NELFB: variants seen among roughly 807,000 people sequenced by gnomAD.
NELFB encodes negative elongation factor complex member B.
Under a neutral mutation model 60.2 loss-of-function variants are expected in NELFB, and 34 were observed. The observed-to-expected ratio is 0.56, with a 90% CI of 0.43 to 0.75. The LOEUF (loss-of-function observed/expected upper bound fraction) is 0.75, where lower values mean the gene tolerates loss of function less well. NELFB is among the 30% of genes least tolerant of loss of function. The pLI is 0.00. For missense variants in NELFB, 770 were observed against 831.6 expected, an observed-to-expected ratio of 0.93 and a Z score of 0.91; for synonymous variants, 459 against 382.1, an observed-to-expected ratio of 1.20 and a Z score of -2.35.
In NELFB at chr9:137,269,905, C is replaced by T. The variant is rs576585218; in HGVS notation, c.1490-2176C>T. On this transcript the variant is annotated intron_variant, in intron 10 of 12. Transcript: ENST00000343053. The surrounding 1 kb of genome is among the most constrained non-coding windows in gnomAD (Gnocchi z 5.3). ...TTCAGTCACATTTGGGGAGAGCACG[C>T]GTGTTCTTAAGTTTTTAGCGGGTTC... Among the ~76,000 whole-genome samples, 2 of 152,142 alleles carry T rather than the reference C, an allele frequency of 1.3e-5. No homozygotes were observed. Among genetic ancestry groups the T allele is most frequent in the Non-Finnish European group, 2.9e-5 (2 of 68,016 alleles).
chr9:137,263,110 C>T lies in NELFB; in HGVS notation c.815C>T (p.Thr272Met), dbSNP rs1282836306. ...GACATGGTGCTGCAGTTTCTGCGCA[C>T]GCTCTTCCTGCGCACGCGGAATGTG... Residue 272 changes from threonine to methionine, a missense_variant, in exon 5 of 13, where the codon ACG (threonine) becomes ATG (methionine). Coordinates refer to ENST00000343053, the MANE Select transcript of NELFB (RefSeq NM_015456.5). The T allele has an allele frequency of 5.6e-6, 9 of 1,614,084 alleles. No individual in the cohort carries two copies. The highest frequency in any genetic ancestry group is 2.2e-5 in the South Asian group (2 of 91,088).
chr9:137,271,419 C>T (rs776049935), intron 10 of NELFB, among the ~76,000 whole-genome samples: 1 of 152,280 alleles, frequency 6.6e-6, no homozygotes, highest in Non-Finnish European at 1.5e-5. Context: ...CTTCAGGCAT[C>T]AGTCTGCAGG....
chr9:137,266,092 T>C (rs1830514638), intron 7 of NELFB, 113 bp downstream of exon 7: 8 of 879,834 alleles, frequency 9.1e-6, no homozygotes, highest in Non-Finnish European at 1.4e-5. Context: ...GTTGGGGCCC[T>C]GTGGCCGCCC....
At position 137,255,520 on chromosome 9, in the gene NELFB, G is replaced by T. The variant is rs1234433034; in HGVS notation, c.155G>T (p.Gly52Val). 6.5e-6 allele frequency: 10 copies of T among 1,541,442 alleles called. No homozygotes were observed. Among genetic ancestry groups the T allele is most frequent in the Non-Finnish European group, 7.9e-6 (9 of 1,144,224 alleles). Residue 52 changes from glycine to valine, a missense_variant, in exon 1 of 13, where the codon GGG becomes GTG. Gly to Val is a moderately radical substitution (Grantham distance 109). Coordinates refer to ENST00000343053, the MANE Select transcript of NELFB (RefSeq NM_015456.5). ...GCCGGGGCCTCGGCCATGTTCGCGG[G>T]GCTGCAGGACCTGGGCGTGGCCAAC...
chr9:137,261,356 A>AG (rs1830441235), intron 4 of NELFB, among the ~76,000 whole-genome samples: 2 of 137,002 alleles, frequency 1.5e-5, no homozygotes, highest in African/African-American at 2.8e-5. Context: ...AAAAAAAAAA[A>AG]GTAAAAAAAA....
intron 11 of NELFB, 91 bp downstream of exon 11, chr9:137,272,313 C>A: frequency 1.3e-6 from 2 of 1,564,716 alleles, no homozygotes; most frequent in South Asian, 1.2e-5. Context: ...CAGCCTGGGG[C>A]GGAGGGTCCG....
At position 137,257,039 on chromosome 9, in the gene NELFB, C is replaced by T. The variant is rs374202580; in HGVS notation, c.726C>T (p.Thr242=). ...ACTTTTTCAGTCCTTCCCCCAAGAC[C>T]AGGCGCCAGGGCGAGGTGAGGGGAC... The change falls in exon 4 of 13, where the codon ACC becomes ACT. Residue 242 remains threonine (T), a synonymous_variant. Transcript: ENST00000343053. The T allele has an allele frequency of 3.0e-5, 49 of 1,611,640 alleles. No individual in the cohort carries two copies. Among genetic ancestry groups the T allele is most frequent in the Non-Finnish European group, 3.7e-5 (44 of 1,178,562 alleles).
At chr9:137,262,423 C>T (rs1438649692) in intron 4 of NELFB, among the ~76,000 whole-genome samples, 2 of 152,220 alleles carry the variant, frequency 1.3e-5, no homozygotes, top group Non-Finnish European at 2.9e-5. Context: ...AAGGCTCGCA[C>T]TCTTGTCTTC....
intron 7 of NELFB, 111 bp downstream of exon 7, chr9:137,266,090 C>A (rs1031008796): frequency 4.5e-6 from 4 of 879,874 alleles, no homozygotes; most frequent in Non-Finnish European, 5.4e-6. Context: ...CTGTTGGGGC[C>A]CTGTGGCCGC....
intron 4 of NELFB, among the ~76,000 whole-genome samples, chr9:137,259,038 A>T (rs545384323): frequency 7.0e-4 from 106 of 152,218 alleles, no homozygotes; most frequent in Non-Finnish European, 1.3e-3. Flanking sequence ...CAAGAAAAAA[A>T]AATTAAGCTA....
Position 137,255,548 on chromosome 9 carries a change from C to T in NELFB, c.183C>T (p.Gly61=), listed in dbSNP as rs1371360161. ...TGCAGGACCTGGGCGTGGCCAACGG[C>T]GAGGACCTGAAGGAGACCCTGACCA... Residue 61 remains glycine (G), a synonymous_variant, in exon 1 of 13, where the codon GGC becomes GGT. Coordinates refer to ENST00000343053, the MANE Select transcript of NELFB (RefSeq NM_015456.5). The T allele has an allele frequency of 1.9e-6, 3 of 1,548,022 alleles. No individual in the cohort carries two copies. Among genetic ancestry groups the T allele is most frequent in the Admixed American group, 3.9e-5 (2 of 50,972 alleles).
At chr9:137,271,893 C>T (rs980766433) in intron 10 of NELFB, among the ~76,000 whole-genome samples, 188 bp from the exon 11 acceptor site, 1 of 151,534 alleles carries the variant, frequency 6.6e-6, no homozygotes, top group Non-Finnish European at 1.5e-5. Flanking sequence ...GGTCCCACCC[C>T]CTGCCTGCCT....
chr9:137,263,359 C>T (rs1377063001), intron 5 of NELFB, 137 bp downstream of exon 5: 16 of 682,078 alleles, frequency 2.3e-5, no homozygotes, highest in Non-Finnish European at 3.6e-5. Context: ...CCCTCCCTCC[C>T]TCCTTCTCCC....
intron 7 of NELFB, 139 bp downstream of exon 7, chr9:137,266,118 T>A: frequency 1.3e-6 from 1 of 785,024 alleles, no homozygotes; most frequent in Non-Finnish European, 2.1e-6. Flanking sequence ...GCTGCTCTGG[T>A]GGTCGGGGAT....
At chr9:137,268,241 T>A (rs1830543500) in intron 10 of NELFB, among the ~76,000 whole-genome samples, 1 of 152,166 alleles carries the variant, frequency 6.6e-6, no homozygotes, top group African/African-American at 2.4e-5. Flanking sequence ...GTTTGCTGTC[T>A]TAGTCCACGT....
rs914979509 is a variant in NELFB, at chr9:137,255,397, G to A, written c.32G>A (p.Gly11Asp). Residue 11 changes from glycine (G) to aspartate (D), a missense_variant, in exon 1 of 13, where the codon GGC becomes GAC. Gly to Asp is a moderately conservative substitution (Grantham distance 94). Coordinates refer to ENST00000343053, the MANE Select transcript of NELFB (RefSeq NM_015456.5). Reference sequence around the variant, plus strand: ...GAGCTGGAGGGCGCCGGGGAGCGGGGCTCGGGCGGTCCCCGAGGCCCGGCG... The same window carrying A: ...GAGCTGGAGGGCGCCGGGGAGCGGGACTCGGGCGGTCCCCGAGGCCCGGCG... The A allele has an allele frequency of 9.5e-6, 8 of 842,328 alleles. No individual in the cohort carries two copies. The highest frequency in any genetic ancestry group is 9.0e-5 in the African/African-American group (5 of 55,498). 52.2% of individuals were successfully genotyped at this position (842,328 alleles called of 1,614,324 possible).
chr9:137,271,248 G>T (rs1169024244), intron 10 of NELFB, among the ~76,000 whole-genome samples: 1 of 152,284 alleles, frequency 6.6e-6, no homozygotes. Context: ...GATGTGGCAG[G>T]CAGGCACCTC....
At chr9:137,271,941 C>T in intron 10 of NELFB, 140 bp from the exon 11 acceptor site, 1 of 1,101,140 alleles carries the variant, frequency 9.1e-7, no homozygotes, top group Non-Finnish European at 1.3e-6. Flanking sequence ...CTGCTGAGAC[C>T]CTGTGCTTCT....
chr9:137,257,404 C>T (rs1470334427), intron 4 of NELFB, among the ~76,000 whole-genome samples: 1 of 152,138 alleles, frequency 6.6e-6, no homozygotes, highest in East Asian at 1.9e-4. Flanking sequence ...TCTCGGCTCA[C>T]TGCAAGCTCC....
Sources: allele counts gnomAD v4.1 joint callset (sites outside exome capture counted in the v4.1 genomes callset), GRCh38; gene constraint gnomAD v4.1.1; non-coding constraint Gnocchi (gnomAD v3.1); transcripts MANE v1.5; gene names NCBI Gene and HGNC (gene_info 2026-07-23, HGNC 2026-07-21).